Variants in SFMBT2 observed in about 807,000 individuals in gnomAD.
The protein encoded by SFMBT2 is scm-like with four MBT domains protein 2.
Under a neutral mutation model 110.1 loss-of-function variants are expected in SFMBT2, and 38 were observed. That is an observed-to-expected ratio of 0.35 (90% CI 0.27 to 0.45). The LOEUF is 0.45. Among genes scored for constraint, SFMBT2 ranks in the 20% least tolerant of loss-of-function variants. SFMBT2 has a pLI of 1.00. For missense variants in SFMBT2, 1,011 were observed against 1,094.9 expected (o/e 0.92, Z 1.08); for synonymous variants, 425 against 425.4 (o/e 1.00, Z 0.01).
At chr10:7,341,598 G>A (rs1007965115) in intron 4 of SFMBT2, among the ~76,000 whole-genome samples, 7 of 152,088 alleles carry the variant, frequency 4.6e-5, no homozygotes, top group Non-Finnish European at 5.9e-5. Context: ...TTGGCTCCAC[G>A]TTGTAGAAAT....
Position 7,283,986 on chromosome 10 carries a change from G to A in SFMBT2, c.690C>T (p.Asp230=), listed in dbSNP as rs145181622. ...YVGLEDTESY[D]QWLFYLDYRL... is the part of the protein sequence containing the mutation. ...TGTAATCCAAGTAAAACAACCACTG[G>A]TCATAGGATTCAGTGTCCTCCAATC... The change falls in exon 6 of 21, where the codon GAC becomes GAT. Residue 230 remains aspartate (D), a synonymous_variant. Transcript: ENST00000397167. 5.0e-6 allele frequency: 8 copies of A among 1,610,056 alleles called. No individual in the cohort carries two copies. The highest frequency in any genetic ancestry group is 6.8e-6 in the Non-Finnish European group (8 of 1,176,414).
chr10:7,344,575 A>G (rs1844042883), intron 4 of SFMBT2, among the ~76,000 whole-genome samples: 1 of 152,140 alleles, frequency 6.6e-6, no homozygotes, highest in Admixed American at 6.5e-5. Flanking sequence ...TGTCTTTATT[A>G]GCAGCATGAG....
intron 7 of SFMBT2, among the ~76,000 whole-genome samples, chr10:7,273,976 A>G (rs1055595980): frequency 6.6e-6 from 1 of 152,264 alleles, no homozygotes; most frequent in Non-Finnish European, 1.5e-5. Flanking sequence ...AGACACATGC[A>G]CACGGATGTT....
intron 1 of SFMBT2, among the ~76,000 whole-genome samples, chr10:7,396,908 G>C (rs2245391): frequency 2.0e-5 from 2 of 102,148 alleles, no homozygotes; most frequent in African/African-American, 7.6e-5. Flanking sequence ...GGGGTGGGGG[G>C]ATGGGGGGAG....
At chr10:7,164,262 C>T (rs1323942661) in intron 20 of SFMBT2, 1 of 603,134 alleles carries the variant, frequency 1.7e-6, no homozygotes, top group African/African-American at 2.0e-5. Context: ...TGGTGCAAAC[C>T]TGTGATGCCA....
chr10:7,277,356 G>A (rs1450209807), intron 6 of SFMBT2: 1 of 232,402 alleles, frequency 4.3e-6, no homozygotes, highest in Non-Finnish European at 7.0e-6. Flanking sequence ...GCCCACTGAT[G>A]AGGAACTTAT....
At chr10:7,388,357 G>C (rs2132097964) in intron 1 of SFMBT2, among the ~76,000 whole-genome samples, 1 of 151,006 alleles carries the variant, frequency 6.6e-6, no homozygotes, top group Non-Finnish European at 1.5e-5. Flanking sequence ...TGATGATGAT[G>C]ATGATGATGA....
Position 7,163,484 on chromosome 10 carries a change from GGGCAGGAGAAA to G in SFMBT2, c.*275_*285del. 2.8e-6 allele frequency: 1 copy of G among 358,480 alleles called. No homozygotes were observed. The highest frequency in any genetic ancestry group is 4.1e-5 in the South Asian group (1 of 24,424). 22.2% of individuals were successfully genotyped at this position (358,480 alleles called of 1,614,324 possible). ...TGCTCCAAGGGAGCTGCCTGATTTG[GGGCAGGAGAAA>G]GGCAAAACGTGGGTGAGCCAAGAAG... On this transcript the variant is annotated 3_prime_UTR_variant, in exon 21 of 21. Coordinates refer to ENST00000397167, the MANE Select transcript of SFMBT2 (RefSeq NM_001387889.1). The surrounding 1 kb of genome is among the most constrained non-coding windows in gnomAD (Gnocchi z 4.8).
intron 4 of SFMBT2, among the ~76,000 whole-genome samples, chr10:7,345,459 A>G (rs1348769182): frequency 1.4e-4 from 21 of 152,192 alleles, no homozygotes; most frequent in Non-Finnish European, 3.1e-4. Flanking sequence ...CACAGGTTAA[A>G]GCAATTCTCC....
At chr10:7,322,354 A>G (rs1303709056) in intron 4 of SFMBT2, among the ~76,000 whole-genome samples, 1 of 152,156 alleles carries the variant, frequency 6.6e-6, no homozygotes. Flanking sequence ...TTATTTATAA[A>G]TTACCCCGTC....
Position 7,393,025 on chromosome 10 carries a change from AT to A in SFMBT2, c.-51-11077del, listed in dbSNP as rs1845822226. 2.3e-3 allele frequency among the ~76,000 whole-genome samples: 142 copies of A among 60,812 alleles called. 1 individual carries two copies. The highest frequency in any genetic ancestry group is 0.011 in the African/African-American group (63 of 5,742). 39.9% of individuals were successfully genotyped at this position (60,812 alleles called of 152,430 possible). ...TATATATATATATATATATATATAT[AT>A]ATATATATAATTTTTTTTTTTTTGA... On this transcript the variant is annotated intron_variant, in intron 1 of 20. Transcript: ENST00000397167.
At chr10:7,282,273 C>G (rs1841966958) in intron 6 of SFMBT2, among the ~76,000 whole-genome samples, 1 of 152,212 alleles carries the variant, frequency 6.6e-6, no homozygotes, top group Non-Finnish European at 1.5e-5. Context: ...TCCACGGAGG[C>G]ATGTTCCATT....
intron 9 of SFMBT2, 59 bp from the exon 10 acceptor site, chr10:7,227,996 A>G: frequency 7.6e-7 from 1 of 1,312,346 alleles, no homozygotes; most frequent in Non-Finnish European, 1.1e-6. Flanking sequence ...CAGACAGATG[A>G]GCAAAATCAG....
chr10:7,239,033 A>G lies in SFMBT2; in HGVS notation c.1120+4525T>C, dbSNP rs575397176. 3.9e-5 allele frequency among the ~76,000 whole-genome samples: 6 copies of G among 152,250 alleles called. No homozygotes were observed. In the East Asian group the frequency reaches 1.2e-3, roughly 29 times the overall value. ...AAGCCACACTGAAAAACTCGTATCC[A>G]CTCTAGCTCACTTGTCTCTAAGGTG... On this transcript the variant is annotated intron_variant, in intron 9 of 20. Coordinates refer to ENST00000397167, the MANE Select transcript of SFMBT2 (RefSeq NM_001387889.1).
intron 4 of SFMBT2, among the ~76,000 whole-genome samples, chr10:7,335,497 G>A (rs561275635): frequency 4.4e-4 from 67 of 151,558 alleles, no homozygotes; most frequent in Non-Finnish European, 2.1e-4. Context: ...TGGAGAATCT[G>A]CAGACCACCA....
At chr10:7,183,192 G>A (rs908804543) in intron 16 of SFMBT2, among the ~76,000 whole-genome samples, 7 of 152,164 alleles carry the variant, frequency 4.6e-5, no homozygotes, top group Non-Finnish European at 8.8e-5. Context: ...AAAAGGTGAC[G>A]GAGGAGAAAG....
intron 16 of SFMBT2, among the ~76,000 whole-genome samples, chr10:7,179,113 T>A (rs1301274347): frequency 1.3e-5 from 2 of 152,128 alleles, no homozygotes; most frequent in Admixed American, 1.3e-4. Context: ...CTAAATTTAC[T>A]TCATATTTAT....
intron 4 of SFMBT2, among the ~76,000 whole-genome samples, chr10:7,342,459 A>G (rs1470323076): frequency 8.5e-6 from 1 of 117,330 alleles, no homozygotes; most frequent in Non-Finnish European, 1.6e-5. Flanking sequence ...CCCAGGCTGG[A>G]GTGCAGTGGT....
intron 15 of SFMBT2, among the ~76,000 whole-genome samples, chr10:7,194,388 C>T (rs1838704099): frequency 6.6e-6 from 1 of 152,210 alleles, no homozygotes; most frequent in African/African-American, 2.4e-5. Context: ...TCAGACAGAA[C>T]CCAGAACTGG....
Sources: gnomAD v4.1 joint callset for allele counts (sites outside exome capture counted in the v4.1 genomes callset) on GRCh38, gnomAD v4.1.1 for gene constraint, Gnocchi (gnomAD v3.1) non-coding constraint, MANE v1.5 for transcripts, NCBI Gene and HGNC (gene_info 2026-07-23, HGNC 2026-07-21) for gene names.